AAGAB: variants seen among roughly 807,000 people sequenced by gnomAD.
AAGAB encodes the protein alpha and gamma adaptin binding protein.
A neutral mutation model predicts 44.1 loss-of-function variants in AAGAB; 38 were observed. The ratio of observed to expected loss-of-function variants is 0.86; its 90% CI spans 0.67 to 1.13. AAGAB has a LOEUF of 1.13. AAGAB is among the 50% of genes most tolerant of loss of function. The pLI is 0.00. For synonymous variants in AAGAB, 131 were observed against 131.8 expected (o/e 0.99, Z 0.04); for missense variants, 450 against 373.8 (o/e 1.20, Z -1.68).
intron 5 of AAGAB, among the ~76,000 whole-genome samples, chr15:67,221,686 T>C (rs1470836322): frequency 6.6e-6 from 1 of 152,228 alleles, no homozygotes; most frequent in Non-Finnish European, 1.5e-5. Flanking sequence ...TGTATTTCCA[T>C]ACCCCCCTGG....
intron 5 of AAGAB, among the ~76,000 whole-genome samples, chr15:67,222,244 A>ACGCACG (rs1567021003): frequency 1.2e-4 from 3 of 25,790 alleles, no homozygotes; most frequent in Admixed American, 3.5e-4. Flanking sequence ...GCGCGCGCGC[A>ACGCACG]CACACACACA....
At chr15:67,231,768 A>T in intron 5 of AAGAB, 46 bp downstream of exon 5, 1 of 1,434,498 alleles carries the variant, frequency 7.0e-7, no homozygotes, top group Non-Finnish European at 9.8e-7. Flanking sequence ...TTTAAAACTT[A>T]CAAGGAACAA....
chr15:67,210,339 G>GCCTT (rs1454081040), intron 5 of AAGAB, among the ~76,000 whole-genome samples: 2 of 152,004 alleles, frequency 1.3e-5, no homozygotes, highest in African/African-American at 4.8e-5. Flanking sequence ...ACATGGTGAA[G>GCCTT]CCTTGTCTCT....
At chr15:67,226,223 C>A (rs192731234) in intron 5 of AAGAB, among the ~76,000 whole-genome samples, 2 of 152,132 alleles carry the variant, frequency 1.3e-5, no homozygotes, top group East Asian at 3.9e-4. Context: ...GCACTGAACT[C>A]TAGGCTCAAG....
At chr15:67,240,649 G>C (rs1166299221) in intron 1 of AAGAB, among the ~76,000 whole-genome samples, 1 of 152,166 alleles carries the variant, frequency 6.6e-6, no homozygotes, top group Non-Finnish European at 1.5e-5. Context: ...CCCGATTTGA[G>C]AAACTTTTTA....
Position 67,246,985 on chromosome 15 carries a change from T to C in AAGAB, c.73+7574A>G, listed in dbSNP as rs571098552. On this transcript the variant is annotated intron_variant, in intron 1 of 9. Coordinates refer to ENST00000261880, the MANE Select transcript of AAGAB (RefSeq NM_024666.5). ...TTTTGCTCTTTACAATAAATCTTGC[T>C]GCTGCTCACTCTTTGGGTCCGTACT... 8.5e-5 allele frequency among the ~76,000 whole-genome samples: 13 copies of C among 152,350 alleles called. No homozygotes were observed. In the East Asian group the frequency reaches 2.1e-3, roughly 25 times the overall value.
intron 1 of AAGAB, among the ~76,000 whole-genome samples, chr15:67,238,757 G>T (rs1445943903): frequency 6.7e-6 from 1 of 150,146 alleles, no homozygotes; most frequent in Non-Finnish European, 1.5e-5. Context: ...GTGCAGTGGC[G>T]TGATCTCGGC....
intron 3 of AAGAB, 108 bp downstream of exon 3, chr15:67,236,300 C>T: frequency 9.1e-7 from 1 of 1,102,512 alleles, no homozygotes. Flanking sequence ...TTCATAAAGC[C>T]ATAAAGTCAC....
chr15:67,241,040 T>TACACACAC (rs10525823), intron 1 of AAGAB, among the ~76,000 whole-genome samples: 9,289 of 147,004 alleles, frequency 0.063, 480 homozygotes, highest in African/African-American at 0.14. Context: ...TCTGTTCTCC[T>TACACACAC]ACACACACAC....
chr15:67,225,094 A>G (rs1347982569), intron 5 of AAGAB, among the ~76,000 whole-genome samples: 2 of 152,062 alleles, frequency 1.3e-5, no homozygotes, highest in African/African-American at 2.4e-5. Flanking sequence ...TGTAGCTGAC[A>G]CTCCCTTGGG....
intron 1 of AAGAB, among the ~76,000 whole-genome samples, chr15:67,239,256 C>T (rs1964541446): frequency 6.6e-6 from 1 of 152,090 alleles, no homozygotes; most frequent in Non-Finnish European, 1.5e-5. Flanking sequence ...AATGGCATTA[C>T]TAACTGCAAT....
At chr15:67,222,222 G>A (rs1964080927) in intron 5 of AAGAB, among the ~76,000 whole-genome samples, 1 of 113,858 alleles carries the variant, frequency 8.8e-6, no homozygotes, top group South Asian at 3.4e-4. Context: ...CTACATGCAT[G>A]CACGCGCACG....
intron 1 of AAGAB, among the ~76,000 whole-genome samples, chr15:67,253,505 GCA>G (rs1238376911): frequency 5.1e-4 from 78 of 152,234 alleles, no homozygotes; most frequent in Middle Eastern, 6.8e-3. Context: ...TGTAATCTCA[GCA>G]CTTAGGGCGG....
intron 5 of AAGAB, among the ~76,000 whole-genome samples, chr15:67,228,866 A>C (rs140694793): frequency 6.6e-6 from 1 of 152,296 alleles, no homozygotes; most frequent in Non-Finnish European, 1.5e-5. Flanking sequence ...AAGTGAATTA[A>C]AAGCAGCAAC....
In AAGAB at chr15:67,231,922, T is replaced by C. The variant is rs776854267; in HGVS notation, c.452-25A>G. The C allele has an allele frequency of 4.5e-6, 7 of 1,558,902 alleles. No homozygotes were observed. The East Asian group carries it at 1.4e-4, about 30-fold the overall frequency. On this transcript the variant is annotated intron_variant, in intron 4 of 9. Transcript: ENST00000261880. ...TCTAATCAGGGAGGGGAAATATATA[T>C]ATTTATATGCAACACTCACACAGAT...
intron 8 of AAGAB, among the ~76,000 whole-genome samples, 182 bp downstream of exon 8, chr15:67,203,862 G>A (rs1239803565): frequency 6.6e-6 from 1 of 151,908 alleles, no homozygotes; most frequent in Non-Finnish European, 1.5e-5. Flanking sequence ...AGAGAACGAA[G>A]ATGGAAAAAT....
chr15:67,204,268 C>T (rs1247079372), intron 7 of AAGAB, 120 bp from the exon 8 acceptor site: 2 of 636,342 alleles, frequency 3.1e-6, no homozygotes, highest in Non-Finnish European at 2.7e-6. Context: ...CCAGTGTATA[C>T]CAGCTTTACA....
At chr15:67,250,304 G>A (rs976001842) in intron 1 of AAGAB, among the ~76,000 whole-genome samples, 7 of 152,134 alleles carry the variant, frequency 4.6e-5, no homozygotes, top group Non-Finnish European at 1.5e-5. Flanking sequence ...AGCCACCTGA[G>A]TAGCTAGGAT....
chr15:67,254,553 A>G lies in AAGAB; in HGVS notation c.73+6T>C. The G allele has an allele frequency of 6.2e-7, 1 of 1,605,438 alleles. No homozygotes were observed. Among genetic ancestry groups the G allele is most frequent in the South Asian group, 1.1e-5 (1 of 89,594 alleles). On this transcript the variant is annotated splice_donor_region_variant and intron_variant, in intron 1 of 9. Coordinates refer to ENST00000261880, the MANE Select transcript of AAGAB (RefSeq NM_024666.5). ...TGGAGGTCGGCCCAGGCGCCTATCT[A>G]CTCACGTTGGACCAGCTGGTCTCCT...
Sources: gnomAD v4.1 joint callset for allele counts (sites outside exome capture counted in the v4.1 genomes callset) on GRCh38, gnomAD v4.1.1 for gene constraint, MANE v1.5 for transcripts, NCBI Gene and HGNC (gene_info 2026-07-23, HGNC 2026-07-21) for gene names.